Variants in NLRC3 observed in about 807,000 individuals in gnomAD.
NLRC3 encodes the protein NLR family CARD domain-containing protein 3.
A neutral mutation model predicts 91.6 loss-of-function variants in NLRC3; 87 were observed. The observed-to-expected ratio is 0.95, with a 90% CI of 0.80 to 1.14. The LOEUF is 1.14. Ranked by LOEUF, NLRC3 falls within the 50% of genes most tolerant of loss-of-function variation. The pLI is 0.00. For synonymous variants in NLRC3, 694 were observed against 625.3 expected (o/e 1.11, Z -1.64); for missense variants, 1,577 against 1,418.6 (o/e 1.11, Z -1.79).
chr16:3,562,923 CAG>C (rs1451910898), intron 5 of NLRC3, 84 bp downstream of exon 5: 5 of 1,233,850 alleles, frequency 4.1e-6, no homozygotes, highest in Non-Finnish European at 5.8e-6. Flanking sequence ...AGGAGACTGA[CAG>C]AGAAGCTTGG....
intron 2 of NLRC3, among the ~76,000 whole-genome samples, chr16:3,566,101 CAAAAAAAAAAAAAA>C (rs1027448717): frequency 2.3e-4 from 5 of 21,316 alleles, no homozygotes; most frequent in East Asian, 1.9e-3. Context: ...GAGCAAAAAG[CAAAAAAAAAAAAAA>C]AAAAAAAAAA....
chr16:3,573,013 A>G (rs1476190364), intron 1 of NLRC3, among the ~76,000 whole-genome samples: 1 of 144,584 alleles, frequency 6.9e-6, no homozygotes, highest in Non-Finnish European at 1.5e-5. Context: ...CTCTATCTCA[A>G]AAAAAAAAAA....
chr16:3,575,799 C>T (rs1258958885), intron 1 of NLRC3, among the ~76,000 whole-genome samples: 1 of 152,226 alleles, frequency 6.6e-6, no homozygotes, highest in Non-Finnish European at 1.5e-5. Flanking sequence ...TTCCCTGCCA[C>T]TTGGCGCCCG....
intron 1 of NLRC3, among the ~76,000 whole-genome samples, chr16:3,573,341 T>G (rs1041312392): frequency 6.6e-6 from 1 of 152,042 alleles, no homozygotes; most frequent in African/African-American, 2.4e-5. Flanking sequence ...GGTGGGAGGA[T>G]CGCTTAACTC....
chr16:3,552,388 A>T (rs2039064657), intron 9 of NLRC3, 109 bp from the exon 10 acceptor site: 1 of 753,928 alleles, frequency 1.3e-6, no homozygotes, highest in African/African-American at 1.7e-5. Flanking sequence ...CTCTACATTT[A>T]TTGGAGCAGG....
At chr16:3,572,779 A>G (rs1271033951) in intron 1 of NLRC3, among the ~76,000 whole-genome samples, 1 of 152,102 alleles carries the variant, frequency 6.6e-6, no homozygotes, top group Non-Finnish European at 1.5e-5. Context: ...TTGGGAGGCC[A>G]AGGCAGGCAG....
chr16:3,569,641 A>G (rs2040028484), intron 1 of NLRC3, among the ~76,000 whole-genome samples: 1 of 151,422 alleles, frequency 6.6e-6, no homozygotes, highest in Non-Finnish European at 1.5e-5. Context: ...CAAGTGATCC[A>G]CCCGTTTTGG....
intron 16 of NLRC3, 21 bp from the exon 17 acceptor site, chr16:3,543,529 TC>T (rs774967634): frequency 3.5e-5 from 56 of 1,593,020 alleles, no homozygotes; most frequent in Non-Finnish European, 4.2e-5. Context: ...GAGGGTGCCG[TC>T]AGTGTGAGCC....
chr16:3,562,849 G>A, intron 5 of NLRC3, 160 bp downstream of exon 5: 1 of 744,648 alleles, frequency 1.3e-6, no homozygotes, highest in South Asian at 1.5e-5. Context: ...CTCCAGAACT[G>A]CGAGAAAACA....
intron 10 of NLRC3, among the ~76,000 whole-genome samples, chr16:3,551,690 CTCATTCATCCACTCAG>C (rs2039015694): frequency 6.7e-6 from 1 of 149,200 alleles, no homozygotes; most frequent in Non-Finnish European, 1.5e-5. Flanking sequence ...CTTCCATTCA[CTCATTCATCCACTCAG>C]TCATTCATCT....
chr16:3,553,687 G>C (rs1032447789), intron 9 of NLRC3, among the ~76,000 whole-genome samples: 3 of 150,910 alleles, frequency 2.0e-5, no homozygotes, highest in Admixed American at 6.6e-5. Context: ...TGGGTTGGTA[G>C]AAGGTATTTT....
chr16:3,564,206 G>A lies in NLRC3; in HGVS notation c.731C>T (p.Pro244Leu), dbSNP rs762801490. The A allele has an allele frequency of 1.7e-5, 28 of 1,613,262 alleles. No individual in the cohort carries two copies. The highest frequency in any genetic ancestry group is 1.1e-4 in the South Asian group (10 of 91,074). ...GATGTTGGTGATCAGGTGGTCCACC[G>A]GGATCTCCTTCTTTGGGTCCGTGCA... ...VACTDPKKEI[P>L]VDHLITNIIR... Residue 244 changes from proline (P) to leucine (L), a missense_variant, in exon 5 of 20, where the codon CCG becomes CTG. By Grantham distance (98) the Pro-to-Leu change is moderately conservative (BLOSUM62 -3). Coordinates refer to ENST00000359128, the MANE Select transcript of NLRC3 (RefSeq NM_178844.4). The surrounding 1 kb of genome is among the most constrained non-coding windows in gnomAD (Gnocchi z 5.9).
intron 15 of NLRC3, 125 bp from the exon 16 acceptor site, chr16:3,544,454 T>C: frequency 1.5e-6 from 1 of 668,578 alleles, no homozygotes; most frequent in Non-Finnish European, 2.7e-6. Flanking sequence ...CAGGGTTTCC[T>C]GGGGATAACT....
At position 3,550,446 on chromosome 16, in the gene NLRC3, G is replaced by T. The variant is rs1183336384; in HGVS notation, c.2403C>A (p.Ala801=). The change falls in exon 11 of 20, where the codon GCC becomes GCA. Residue 801 remains alanine (A), a synonymous_variant. Coordinates refer to ENST00000359128, the MANE Select transcript of NLRC3 (RefSeq NM_178844.4). The part of the protein sequence containing the change: ...GDGGAKALAE[A]LKVNQGLESL... Reference sequence around the variant, plus strand: ...TCTCCAGGCCCTGGTTCACCTTCAGGGCCTCAGCCAGGGCCTTGGCACCTC... The same window carrying T: ...TCTCCAGGCCCTGGTTCACCTTCAGTGCCTCAGCCAGGGCCTTGGCACCTC... 1 of 1,613,384 alleles carries T rather than the reference G, an allele frequency of 6.2e-7. No homozygotes were observed. Among genetic ancestry groups the T allele is most frequent in the South Asian group, 1.1e-5 (1 of 91,068 alleles).
chr16:3,563,373 A>G lies in NLRC3; in HGVS notation c.1564T>C (p.Ser522Pro). 6.3e-7 allele frequency: 1 copy of G among 1,586,152 alleles called. No homozygotes were observed. Among genetic ancestry groups the G allele is most frequent in the Non-Finnish European group, 8.6e-7 (1 of 1,167,032 alleles). Reference sequence around the variant, plus strand: ...GCCAGGAGGGCATTGACCCTCGGAGACAAGAGGCCGGAGAGGAAGCGCAGG... The same window carrying G: ...GCCAGGAGGGCATTGACCCTCGGAGGCAAGAGGCCGGAGAGGAAGCGCAGG... ...VFLRFLSGLL[S>P]PRVNALLAGS... The change falls in exon 5 of 20, where the codon TCT becomes CCT. Residue 522 changes from serine to proline, a missense_variant. By Grantham distance (74) the Ser-to-Pro change is moderately conservative. Transcript: ENST00000359128.
At chr16:3,558,573 A>T (rs967626252) in intron 6 of NLRC3, among the ~76,000 whole-genome samples, 13 of 138,700 alleles carry the variant, frequency 9.4e-5, no homozygotes, top group South Asian at 2.3e-4. Flanking sequence ...CTTTAAAATT[A>T]AAAAAAAACC....
rs1188832114 is a variant in NLRC3, at chr16:3,543,512, G to C, written c.2856-4C>G. 6.2e-7 allele frequency: 1 copy of C among 1,610,022 alleles called. No homozygotes were observed. Among genetic ancestry groups the C allele is most frequent in the East Asian group, 2.2e-5 (1 of 44,840 alleles). On this transcript the variant is annotated splice_polypyrimidine_tract_variant and splice_region_variant and intron_variant, in intron 16 of 19. Coordinates refer to ENST00000359128, the MANE Select transcript of NLRC3 (RefSeq NM_178844.4). Reference sequence around the variant, plus strand: ...ACCAATTGAGGCCACCTGGAGACTGGGGCGGAGAGGGTGCCGTCAGTGTGA... The same window carrying C: ...ACCAATTGAGGCCACCTGGAGACTGCGGCGGAGAGGGTGCCGTCAGTGTGA...
In NLRC3 at chr16:3,563,345, C is replaced by T. The variant is rs1317435128; in HGVS notation, c.1592G>A (p.Gly531Asp). The T allele has an allele frequency of 6.3e-7, 1 of 1,591,794 alleles. No homozygotes were observed. Among genetic ancestry groups the T allele is most frequent in the Admixed American group, 1.8e-5 (1 of 57,100 alleles). Reference sequence around the variant, plus strand: ...GTGCTCGCCTTGGGCCAGCAGGGAGCCGGCCAGGAGGGCATTGACCCTCGG... The same window carrying T: ...GTGCTCGCCTTGGGCCAGCAGGGAGTCGGCCAGGAGGGCATTGACCCTCGG... ...LSPRVNALLA[G>D]SLLAQGEHQA... The change falls in exon 5 of 20, where the codon GGC (glycine) becomes GAC (aspartate). Residue 531 changes from glycine (G) to aspartate (D), a missense_variant. Transcript: ENST00000359128.
intron 1 of NLRC3, among the ~76,000 whole-genome samples, chr16:3,569,236 C>A (rs1460776401): frequency 6.6e-6 from 1 of 150,634 alleles, no homozygotes; most frequent in Non-Finnish European, 1.5e-5. Flanking sequence ...ATCGCTTGAA[C>A]CCGAGAGGAG....
Sources: allele counts gnomAD v4.1 joint callset (sites outside exome capture counted in the v4.1 genomes callset), GRCh38; gene constraint gnomAD v4.1.1; non-coding constraint Gnocchi (gnomAD v3.1); transcripts MANE v1.5; gene names NCBI Gene and HGNC (gene_info 2026-07-23, HGNC 2026-07-21).